KLF12: variants seen among roughly 807,000 people sequenced by gnomAD.
The protein encoded by KLF12 is Krueppel-like factor 12.
In KLF12, 9 loss-of-function variants were observed where a neutral mutation model predicts 37.8. The ratio of observed to expected loss-of-function variants is 0.24; its 90% CI spans 0.14 to 0.42. KLF12 has a LOEUF of 0.42. Ranked by LOEUF, KLF12 falls within the 10% of genes least tolerant of loss-of-function variation. The probability of loss-of-function intolerance (pLI) is 1.00; values close to 1 mark genes in which losing one functional copy is unlikely to be tolerated. For synonymous variants in KLF12, 208 were observed against 202.1 expected, an observed-to-expected ratio of 1.03 and a Z score of -0.25; for missense variants, 411 against 516.0, an observed-to-expected ratio of 0.80 and a Z score of 1.97.
At chr13:74,271,692 C>T in the KLF12 span, among the ~76,000 whole-genome samples, 1 of 152,210 alleles carries the variant, frequency 6.6e-6, no homozygotes. Flanking sequence ...ACAGGAAACA[C>T]TAAATACAGT....
the KLF12 span, chr13:74,231,637 A>G: frequency 1.3e-5 from 2 of 152,186 alleles, no homozygotes; most frequent in African/African-American, 4.8e-5. Context: ...GTCTTTGGAA[A>G]TATCTTCTGT....
At chr13:73,868,839 C>CA (rs1293179205) in intron 3 of KLF12, among the ~76,000 whole-genome samples, 4 of 151,934 alleles carry the variant, frequency 2.6e-5, no homozygotes, top group African/African-American at 9.7e-5. Context: ...TTCCACGGAA[C>CA]AAAAAAAGAA....
At chr13:74,186,665 G>T in the KLF12 span, among the ~76,000 whole-genome samples, 32 of 152,044 alleles carry the variant, frequency 2.1e-4, no homozygotes, top group African/African-American at 7.2e-4. Context: ...TTTCCTCCAT[G>T]ATAGAAAAAA....
Position 73,701,791 on chromosome 13 carries a change from G to A in KLF12, c.1028-6120C>T, listed in dbSNP as rs541791548. ...CTAGGTCTTCAATTCTGAAGGGATG[G>A]TCTCTATGTCCCATGATAAATCCTT... On this transcript the variant is annotated intron_variant, in intron 7 of 7. Transcript: ENST00000377669. Among the ~76,000 whole-genome samples the A allele has an allele frequency of 1.5e-3, 235 of 152,074 alleles. 2 individuals carry two copies. Among genetic ancestry groups the A allele is most frequent in the Non-Finnish European group, 3.0e-3 (203 of 67,990 alleles).
intron 2 of KLF12, among the ~76,000 whole-genome samples, chr13:73,981,029 G>A (rs1386929189): frequency 4.6e-5 from 7 of 152,092 alleles, no homozygotes; most frequent in Non-Finnish European, 1.0e-4. Flanking sequence ...GCGTGGTGAT[G>A]CCTGCCTGAA....
intron 1 of KLF12, among the ~76,000 whole-genome samples, chr13:74,057,462 A>T (rs1198856421): frequency 6.6e-6 from 1 of 152,216 alleles, no homozygotes; most frequent in Non-Finnish European, 1.5e-5. Flanking sequence ...GACAAAAGCA[A>T]TCGAAACGAT....
At chr13:74,191,031 C>T in the KLF12 span, among the ~76,000 whole-genome samples, 1 of 152,178 alleles carries the variant, frequency 6.6e-6, no homozygotes, top group Non-Finnish European at 1.5e-5. Flanking sequence ...GCTTTACACT[C>T]AATATGCTTT....
At chr13:73,750,605 C>A (rs10220200) in intron 6 of KLF12, among the ~76,000 whole-genome samples, 52,841 of 151,974 alleles carry the variant, frequency 0.35, 10,501 homozygotes, top group African/African-American at 0.54. Flanking sequence ...GGGGGGACTG[C>A]AGGGAAGTCT....
intron 1 of KLF12, among the ~76,000 whole-genome samples, chr13:74,101,853 C>G (rs1436207289): frequency 6.6e-6 from 1 of 152,128 alleles, no homozygotes; most frequent in East Asian, 1.9e-4. Context: ...GAAAGAATAG[C>G]AGAAAATGAA....
At chr13:73,833,880 T>C (rs1884293982) in intron 4 of KLF12, among the ~76,000 whole-genome samples, 1 of 152,096 alleles carries the variant, frequency 6.6e-6, no homozygotes, top group African/African-American at 2.4e-5. Flanking sequence ...TATTTCACCA[T>C]GGGAAGGTTT....
At chr13:74,010,213 G>T (rs949888310) in intron 1 of KLF12, among the ~76,000 whole-genome samples, 3 of 152,016 alleles carry the variant, frequency 2.0e-5, no homozygotes, top group Admixed American at 6.6e-5. Context: ...AAAGCACCAG[G>T]ATTACAGGCA....
intron 4 of KLF12, among the ~76,000 whole-genome samples, chr13:73,815,639 T>G (rs929695082): frequency 6.6e-6 from 1 of 152,234 alleles, no homozygotes; most frequent in Non-Finnish European, 1.5e-5. Flanking sequence ...TGCATACACC[T>G]GTAAATGTCA....
intron 2 of KLF12, among the ~76,000 whole-genome samples, chr13:73,976,423 C>T (rs1305218268): frequency 6.6e-6 from 1 of 152,162 alleles, no homozygotes; most frequent in Non-Finnish European, 1.5e-5. Flanking sequence ...CCCTCAACAA[C>T]AATCATCAGT....
chr13:73,972,218 A>C (rs567103788), intron 2 of KLF12, among the ~76,000 whole-genome samples: 1 of 152,230 alleles, frequency 6.6e-6, no homozygotes, highest in Admixed American at 6.5e-5. Context: ...GGCTAACATT[A>C]TGAGTTTTGA....
At chr13:74,158,656 T>A in the KLF12 span, among the ~76,000 whole-genome samples, 1 of 152,082 alleles carries the variant, frequency 6.6e-6, no homozygotes, top group South Asian at 2.1e-4. Flanking sequence ...GACTATTAGA[T>A]TATTAGAATA....
the KLF12 span, among the ~76,000 whole-genome samples, chr13:74,190,184 C>T: frequency 3.3e-5 from 5 of 151,960 alleles, no homozygotes; most frequent in South Asian, 2.1e-4. Context: ...GCACTCCCAC[C>T]GACAATATAT....
intron 1 of KLF12, among the ~76,000 whole-genome samples, chr13:73,997,933 T>C (rs944640755): frequency 6.6e-6 from 1 of 152,154 alleles, no homozygotes; most frequent in Admixed American, 6.6e-5. Context: ...CCTGGAACCA[T>C]GGGTAAATAC....
the KLF12 span, among the ~76,000 whole-genome samples, chr13:74,253,679 A>G: frequency 6.6e-6 from 1 of 152,216 alleles, no homozygotes; most frequent in Non-Finnish European, 1.5e-5. Flanking sequence ...AGAGCTATCT[A>G]TCTGCTAGAA....
At chr13:73,755,256 T>C (rs912856573) in intron 6 of KLF12, among the ~76,000 whole-genome samples, 10 of 152,226 alleles carry the variant, frequency 6.6e-5, no homozygotes, top group Non-Finnish European at 1.3e-4. Flanking sequence ...AGAGATGGAA[T>C]TGGAGAGATT....
Sources: gnomAD v4.1 joint callset for allele counts (sites outside exome capture counted in the v4.1 genomes callset) on GRCh38, gnomAD v4.1.1 for gene constraint, MANE v1.5 for transcripts, NCBI Gene and HGNC (gene_info 2026-07-23, HGNC 2026-07-21) for gene names.